Variants in CR1 observed in about 807,000 individuals in gnomAD.
CR1 encodes the protein complement receptor type 1.
Under a neutral mutation model 187.3 loss-of-function variants are expected in CR1, and 116 were observed. That is an observed-to-expected ratio of 0.62 (90% confidence interval 0.53 to 0.72). The LOEUF is 0.72. Among genes scored for constraint, CR1 ranks in the 30% least tolerant of loss-of-function variants. The pLI, the probability that CR1 is intolerant of heterozygous loss-of-function variation, is 0.00. For synonymous variants in CR1, 576 were observed against 747.1 expected, an observed-to-expected ratio of 0.77 and a Z score of 3.73; for missense variants, 1,731 against 2,110.7, an observed-to-expected ratio of 0.82 and a Z score of 3.52.
chr1:207,580,811 G>A (rs1420126160), intron 31 of CR1, among the ~76,000 whole-genome samples, 198 bp downstream of exon 31: 5 of 152,078 alleles, frequency 3.3e-5, no homozygotes, highest in African/African-American at 7.2e-5. Context: ...AAAAAATGGC[G>A]CATATAACTG....
intron 29 of CR1, 124 bp from the exon 30 acceptor site, chr1:207,580,116 T>C (rs2102341987): frequency 7.3e-7 from 1 of 1,362,812 alleles, no homozygotes; most frequent in Non-Finnish European, 1.0e-6. Flanking sequence ...ACAAGTGAAT[T>C]TGGGGCCTTG....
intron 46 of CR1, among the ~76,000 whole-genome samples, chr1:207,635,764 C>G (rs1482271236): frequency 6.6e-6 from 1 of 152,212 alleles, no homozygotes; most frequent in Admixed American, 6.5e-5. Context: ...ATTTCCTAGA[C>G]AGAGGTCCCT....
At chr1:207,505,869 A>G in intron 1 of CR1, 35 bp from the exon 2 acceptor site, 5 of 1,575,344 alleles carry the variant, frequency 3.2e-6, no homozygotes, top group African/African-American at 1.4e-5. Flanking sequence ...TAATTTCTCC[A>G]TTAACTTTGA....
intron 5 of CR1, among the ~76,000 whole-genome samples, chr1:207,525,057 GGA>G (rs137880306): frequency 1.3e-5 from 2 of 151,286 alleles, no homozygotes; most frequent in Non-Finnish European, 2.9e-5. Context: ...ATGCTTGGCA[GGA>G]GAGAGAGAGA....
chr1:207,575,640 C>A lies in CR1; in HGVS notation c.4497C>A (p.Gly1499=), dbSNP rs1278901319. 6.2e-7 allele frequency: 1 copy of A among 1,611,842 alleles called. No individual in the cohort carries two copies. The highest frequency in any genetic ancestry group is 2.2e-5 in the East Asian group (1 of 44,884). ...CATCTGCTGAATGTATCCTCTCAGG[C>A]AATACTGCCCATTGGAGCACGAAGC... The part of the protein sequence containing the change: ...GHSSAECILS[G]NTAHWSTKPP... Residue 1499 remains glycine, a synonymous_variant, in exon 28 of 47, where the codon GGC becomes GGA. Transcript: ENST00000367049.
At chr1:207,517,463 G>T (rs1659841900) in intron 4 of CR1, among the ~76,000 whole-genome samples, 2 of 151,894 alleles carry the variant, frequency 1.3e-5, no homozygotes. Flanking sequence ...AGAGATCTTG[G>T]GTTATAATTT....
intron 40 of CR1, 41 bp from the exon 41 acceptor site, chr1:207,616,533 GT>G: frequency 6.3e-7 from 1 of 1,596,178 alleles, no homozygotes. Context: ...GTCATCTTAA[GT>G]GAAATTCTAA....
At chr1:207,573,575 GA>G (rs1282407898) in intron 27 of CR1, among the ~76,000 whole-genome samples, 1 of 151,634 alleles carries the variant, frequency 6.6e-6, no homozygotes, top group Non-Finnish European at 1.5e-5. Flanking sequence ...TTACAAAAGA[GA>G]TTTACTGCCA....
At chr1:207,611,531 G>A in intron 37 of CR1, 146 bp from the exon 38 acceptor site, 3 of 1,170,992 alleles carry the variant, frequency 2.6e-6, no homozygotes, top group Non-Finnish European at 3.6e-6. Context: ...TTCCTTGTTA[G>A]TGAGATGTGG....
At chr1:207,601,179 T>C (rs1204926932) in intron 35 of CR1, among the ~76,000 whole-genome samples, 5 of 152,108 alleles carry the variant, frequency 3.3e-5, no homozygotes, top group Non-Finnish European at 5.9e-5. Flanking sequence ...ACTGGGTCAA[T>C]TGTCATTTCA....
intron 1 of CR1, among the ~76,000 whole-genome samples, chr1:207,496,899 ATC>A (rs1215198874): frequency 6.6e-6 from 1 of 152,174 alleles, no homozygotes; most frequent in Admixed American, 6.5e-5. Flanking sequence ...CCTGTCGAGT[ATC>A]TAACACAGGG....
chr1:207,512,607 A>G (rs536364161), intron 4 of CR1, among the ~76,000 whole-genome samples: 1 of 152,338 alleles, frequency 6.6e-6, no homozygotes, highest in African/African-American at 2.4e-5. Context: ...TGTTACTTTT[A>G]CTAGAAAGTT....
intron 35 of CR1, among the ~76,000 whole-genome samples, chr1:207,595,331 T>C (rs529407376): frequency 6.6e-6 from 1 of 152,034 alleles, no homozygotes; most frequent in East Asian, 1.9e-4. Context: ...AATTAGCACA[T>C]AATGGAAGAC....
chr1:207,506,060 C>A lies in CR1; in HGVS notation c.278C>A (p.Thr93Asn), dbSNP rs1254821847. The part of the protein sequence containing the change: ...SIICLKNSVW[T>N]GAKDRCRRKS... ...ATCTGCCTAAAAAACTCAGTCTGGA[C>A]TGGTGCTAAGGACAGGTGCAGACGT... The change falls in exon 2 of 47, where the codon ACT (threonine) becomes AAT (asparagine). Residue 93 changes from threonine (T) to asparagine (N), a missense_variant. Physicochemically the swap from Thr to Asn is moderately conservative, Grantham distance 65. Transcript: ENST00000367049. 2 of 1,613,924 alleles carry A rather than the reference C, an allele frequency of 1.2e-6. No homozygotes were observed. Among genetic ancestry groups the A allele is most frequent in the Non-Finnish European group, 8.5e-7 (1 of 1,179,848 alleles).
At chr1:207,497,790 A>C (rs1176635087) in intron 1 of CR1, among the ~76,000 whole-genome samples, 4 of 151,978 alleles carry the variant, frequency 2.6e-5, no homozygotes, top group Non-Finnish European at 5.9e-5. Flanking sequence ...AGACACTATT[A>C]ATTGCAAAAA....
intron 35 of CR1, among the ~76,000 whole-genome samples, chr1:207,603,452 T>G (rs983468423): frequency 2.0e-5 from 3 of 152,172 alleles, no homozygotes; most frequent in Admixed American, 2.0e-4. Flanking sequence ...TAGGACTCCC[T>G]GTCTGGAATC....
intron 3 of CR1, among the ~76,000 whole-genome samples, chr1:207,509,187 T>C (rs748988076): frequency 2.0e-5 from 3 of 152,244 alleles, no homozygotes; most frequent in Non-Finnish European, 4.4e-5. Context: ...CAGGCTTCAC[T>C]GTCCCTCTTC....
chr1:207,502,618 G>A (rs1237998963), intron 1 of CR1, among the ~76,000 whole-genome samples: 4 of 152,198 alleles, frequency 2.6e-5, no homozygotes, highest in African/African-American at 9.7e-5. Flanking sequence ...ACAAGATGAG[G>A]CAGGGAACAT....
intron 39 of CR1, among the ~76,000 whole-genome samples, chr1:207,612,515 T>G (rs888932507): frequency 6.6e-6 from 1 of 152,228 alleles, no homozygotes; most frequent in Non-Finnish European, 1.5e-5. Flanking sequence ...AGGTCAGGAA[T>G]GGCCAGTGTA....
Sources: allele counts gnomAD v4.1 joint callset (sites outside exome capture counted in the v4.1 genomes callset), GRCh38; gene constraint gnomAD v4.1.1; transcripts MANE v1.5; gene names NCBI Gene and HGNC (gene_info 2026-07-23, HGNC 2026-07-21).